FAM118B: variants seen among roughly 807,000 people sequenced by gnomAD.
FAM118B encodes the protein SIR2 antiphage like 1.
Under a neutral mutation model 38.5 loss-of-function variants are expected in FAM118B, and 24 were observed. The ratio of observed to expected loss-of-function variants is 0.62; its 90% confidence interval spans 0.45 to 0.88. The LOEUF is 0.88. Ranked by LOEUF, FAM118B falls within the 40% of genes least tolerant of loss-of-function variation. The probability of loss-of-function intolerance (pLI) is 0.00; values close to 1 mark genes in which losing one functional copy is unlikely to be tolerated. For synonymous variants in FAM118B, 138 were observed against 156.3 expected (o/e 0.88, Z 0.87); for missense variants, 334 against 420.0 (o/e 0.80, Z 1.79).
chr11:126,241,980 G>A (rs1274695285), intron 4 of FAM118B, among the ~76,000 whole-genome samples: 19 of 145,610 alleles, frequency 1.3e-4, no homozygotes, highest in African/African-American at 3.3e-4. Context: ...AGTTGCGGTC[G>A]CGCCACTGCA....
At chr11:126,232,128 A>G (rs1950214179) in intron 2 of FAM118B, among the ~76,000 whole-genome samples, 1 of 152,192 alleles carries the variant, frequency 6.6e-6, no homozygotes, top group South Asian at 2.1e-4. Flanking sequence ...GAGCAGAAAG[A>G]AGTGTTTTGG....
intron 3 of FAM118B, among the ~76,000 whole-genome samples, chr11:126,237,756 C>T (rs1247205702): frequency 2.1e-5 from 3 of 142,562 alleles, no homozygotes; most frequent in Non-Finnish European, 3.0e-5. Flanking sequence ...ACTCGGGAGG[C>T]TGAGGCAGGA....
chr11:126,231,956 TAAC>T (rs1272245409), intron 2 of FAM118B, among the ~76,000 whole-genome samples: 2 of 152,208 alleles, frequency 1.3e-5, no homozygotes, highest in African/African-American at 4.8e-5. Context: ...AGTACCTAGT[TAAC>T]AAGCAGCTGT....
At chr11:126,232,609 C>A (rs1950221685) in intron 2 of FAM118B, among the ~76,000 whole-genome samples, 1 of 150,812 alleles carries the variant, frequency 6.6e-6, no homozygotes, top group African/African-American at 2.5e-5. Context: ...GTTTATAGAA[C>A]CATATTTAAG....
intron 1 of FAM118B, among the ~76,000 whole-genome samples, chr11:126,216,555 A>G (rs1055164291): frequency 1.3e-5 from 2 of 152,230 alleles, no homozygotes; most frequent in Non-Finnish European, 2.9e-5. Flanking sequence ...TATGGTTTCT[A>G]TGGCGTTTTT....
chr11:126,236,614 A>G (rs180702076), intron 3 of FAM118B, among the ~76,000 whole-genome samples: 22 of 152,294 alleles, frequency 1.4e-4, no homozygotes. Context: ...GGCAACTAGT[A>G]CCTTCACTTT....
At chr11:126,212,396 C>A (rs1949895100) in intron 1 of FAM118B, among the ~76,000 whole-genome samples, 1 of 152,196 alleles carries the variant, frequency 6.6e-6, no homozygotes, top group Non-Finnish European at 1.5e-5. Context: ...TTTCCTGTTT[C>A]CTTTATTTTT....
In FAM118B at chr11:126,262,884, G is replaced by A. The variant is rs1950731338; in HGVS notation, c.*751G>A. The A allele has an allele frequency of 6.6e-6, 1 of 152,636 alleles. No homozygotes were observed. Among genetic ancestry groups the A allele is most frequent in the Middle Eastern group, 3.2e-3 (1 of 316 alleles). The allele number at this position is 152,636 out of a possible 1,614,324, so 9.5% of individuals were successfully genotyped here. On this transcript the variant is annotated 3_prime_UTR_variant, in exon 9 of 9. Transcript: ENST00000533050. The stretch of plus-strand genomic sequence containing the variant: ...TCCTAGAACTACAGTTAAGTGTGTT[G>A]TGGAATTTTAGTTTTGAATCCTGTA...
intron 4 of FAM118B, among the ~76,000 whole-genome samples, chr11:126,247,875 A>ATCTATATATATATATAGATATACG (rs1565336745): frequency 1.4e-5 from 2 of 145,872 alleles, no homozygotes; most frequent in African/African-American, 2.5e-5. Flanking sequence ...AAATATATAT[A>ATCTATATATATATATAGATATACG]TATATCTATA....
At chr11:126,215,016 A>G (rs529385052) in intron 1 of FAM118B, among the ~76,000 whole-genome samples, 5 of 152,318 alleles carry the variant, frequency 3.3e-5, no homozygotes, top group Admixed American at 2.0e-4. Context: ...GTACTTGGAC[A>G]TTGTTTTATG....
Position 126,255,458 on chromosome 11 carries a change from G to A in FAM118B, c.696+1025G>A, listed in dbSNP as rs1950563409. ...CTGACATTGAGTGATCCCTTAGGCAGTCATTTCTGTGTTTTTGTGTGTGTA... is the reference window on the plus strand; with the variant it reads ...CTGACATTGAGTGATCCCTTAGGCAATCATTTCTGTGTTTTTGTGTGTGTA... On this transcript the variant is annotated intron_variant, in intron 6 of 8. Transcript: ENST00000533050. This position sits in a 1 kb window ranked among gnomAD's most constrained non-coding sequence, Gnocchi z 4.6. 6.6e-6 allele frequency among the ~76,000 whole-genome samples: 1 copy of A among 152,080 alleles called. No individual in the cohort carries two copies. The highest frequency in any genetic ancestry group is 1.5e-5 in the Non-Finnish European group (1 of 68,024).
intron 1 of FAM118B, among the ~76,000 whole-genome samples, chr11:126,221,861 AATTTTGCCATAAGGGT>A (rs1950067312): frequency 6.6e-6 from 1 of 152,060 alleles, no homozygotes; most frequent in Non-Finnish European, 1.5e-5. Flanking sequence ...AATTTCATTG[AATTTTGCCATAAGGGT>A]ATTTATCTCC....
intron 1 of FAM118B, among the ~76,000 whole-genome samples, chr11:126,226,950 CAAA>C (rs11320787): frequency 9.9e-5 from 12 of 121,528 alleles, no homozygotes; most frequent in Non-Finnish European, 1.9e-4. Flanking sequence ...AGACCCCGTC[CAAA>C]AAAAAAAAAA....
rs142894360 is a variant in FAM118B at position 126,246,587 on chromosome 11, G to A, written c.340-3919G>A. 3.0e-4 allele frequency among the ~76,000 whole-genome samples: 45 copies of A among 152,230 alleles called. No individual in the cohort carries two copies. In the Middle Eastern group the frequency reaches 0.01, roughly 35 times the overall value. The stretch of plus-strand genomic sequence containing the variant: ...TGTTAATAACCCTGGGGCGGGAGGC[G>A]GTGGGGGAACAGGTTTTTTTTCTTT... On this transcript the variant is annotated intron_variant, in intron 4 of 8. Transcript: ENST00000533050.
chr11:126,217,052 CA>C (rs1195191356), intron 1 of FAM118B, among the ~76,000 whole-genome samples: 2 of 152,192 alleles, frequency 1.3e-5, no homozygotes, highest in Non-Finnish European at 2.9e-5. Context: ...GCTAACCTAG[CA>C]GGCACATCTT....
intron 4 of FAM118B, among the ~76,000 whole-genome samples, chr11:126,248,649 C>A (rs572541894): frequency 5.8e-4 from 89 of 152,174 alleles, no homozygotes; most frequent in Admixed American, 9.8e-4. Context: ...GGATTACAGG[C>A]GTGAGCCAGC....
At chr11:126,217,020 C>G (rs1319749033) in intron 1 of FAM118B, among the ~76,000 whole-genome samples, 1 of 152,226 alleles carries the variant, frequency 6.6e-6, no homozygotes, top group Non-Finnish European at 1.5e-5. Context: ...CACACAAACA[C>G]AGGGACCATC....
intron 1 of FAM118B, among the ~76,000 whole-genome samples, chr11:126,219,398 C>G (rs1439318588): frequency 1.2e-5 from 1 of 83,778 alleles, no homozygotes. Flanking sequence ...TTGAGAGTCT[C>G]TCTCTGTTGC....
chr11:126,232,730 T>A (rs1950224725), intron 2 of FAM118B, among the ~76,000 whole-genome samples: 1 of 151,594 alleles, frequency 6.6e-6, no homozygotes, highest in Non-Finnish European at 1.5e-5. Context: ...TTTAAAAAAA[T>A]ATATTTTTTC....
Sources: allele counts gnomAD v4.1 joint callset (sites outside exome capture counted in the v4.1 genomes callset), GRCh38; gene constraint gnomAD v4.1.1; non-coding constraint Gnocchi (gnomAD v3.1); transcripts MANE v1.5; gene names NCBI Gene and HGNC (gene_info 2026-07-23, HGNC 2026-07-21).